DOCK7: variants seen among roughly 807,000 people sequenced by gnomAD.
The protein encoded by DOCK7 is dedicator of cytokinesis protein 7.
A neutral mutation model predicts 271.0 loss-of-function variants in DOCK7; 138 were observed. That is an observed-to-expected ratio of 0.51 (90% CI 0.44 to 0.59). The LOEUF (loss-of-function observed/expected upper bound fraction) is 0.59, where lower values mean the gene tolerates loss of function less well. Ranked by LOEUF, DOCK7 falls within the 20% of genes least tolerant of loss-of-function variation. DOCK7 has a pLI of 0.00. For synonymous variants in DOCK7, 823 were observed against 876.1 expected, an observed-to-expected ratio of 0.94 and a Z score of 1.07; for missense variants, 2,066 against 2,592.4, an observed-to-expected ratio of 0.80 and a Z score of 4.41.
chr1:62,497,659 T>C (rs1571299981), intron 37 of DOCK7, among the ~76,000 whole-genome samples: 1 of 152,228 alleles, frequency 6.6e-6, no homozygotes, highest in East Asian at 1.9e-4. Flanking sequence ...TTTGGATTAC[T>C]GTAATAACTT....
At chr1:62,655,038 G>C (rs756680588) in intron 2 of DOCK7, among the ~76,000 whole-genome samples, 8 of 152,208 alleles carry the variant, frequency 5.3e-5, no homozygotes, top group Non-Finnish European at 1.0e-4. Context: ...AGCACTGTGA[G>C]AGAATAAATT....
At position 62,492,859 on chromosome 1, in the gene DOCK7, A is replaced by G; in HGVS notation, c.5218-12T>C. On this transcript the variant is annotated splice_polypyrimidine_tract_variant and intron_variant, in intron 40 of 49. Transcript: ENST00000635253. Reference sequence around the variant, plus strand: ...TTAGATGAAATATTCTAGGGAAAAAATATATTGAAAAGGTTTTTGAAACAG... The same window carrying G: ...TTAGATGAAATATTCTAGGGAAAAAGTATATTGAAAAGGTTTTTGAAACAG... 1.9e-6 allele frequency: 3 copies of G among 1,599,878 alleles called. No individual in the cohort carries two copies. The highest frequency in any genetic ancestry group is 1.7e-6 in the Non-Finnish European group (2 of 1,174,970).
intron 7 of DOCK7, among the ~76,000 whole-genome samples, chr1:62,640,676 C>A (rs1449823266): frequency 6.6e-6 from 1 of 152,092 alleles, no homozygotes; most frequent in Admixed American, 6.5e-5. Context: ...CTATAAATAC[C>A]CTTTGTACAA....
chr1:62,513,656 A>G, intron 32 of DOCK7, 50 bp from the exon 33 acceptor site: 1 of 1,602,366 alleles, frequency 6.2e-7, no homozygotes, highest in Middle Eastern at 1.7e-4. Context: ...ATTTTCTTCT[A>G]TTTTTTCCAC....
At chr1:62,516,044 T>C (rs1315081081) in intron 31 of DOCK7, among the ~76,000 whole-genome samples, 1 of 152,152 alleles carries the variant, frequency 6.6e-6, no homozygotes, top group Non-Finnish European at 1.5e-5. Context: ...AAAAGCAGAT[T>C]CCTACCTTGT....
chr1:62,527,667 G>T (rs1229073830), intron 31 of DOCK7, among the ~76,000 whole-genome samples: 3 of 146,908 alleles, frequency 2.0e-5, no homozygotes, highest in Non-Finnish European at 4.5e-5. Context: ...TCATAGGTGG[G>T]AATTGAACAA....
intron 41 of DOCK7, among the ~76,000 whole-genome samples, chr1:62,490,302 C>A (rs1296979397): frequency 1.3e-5 from 2 of 151,702 alleles, no homozygotes; most frequent in Non-Finnish European, 2.9e-5. Flanking sequence ...AAACTCCTGG[C>A]CTCAAGCAAT....
chr1:62,519,576 TATTG>T, intron 31 of DOCK7, among the ~76,000 whole-genome samples: 1 of 152,168 alleles, frequency 6.6e-6, no homozygotes, highest in South Asian at 2.1e-4. Flanking sequence ...AAATGCTACC[TATTG>T]ATTATGATAA....
At chr1:62,466,764 T>C (rs1462594446) in intron 48 of DOCK7, among the ~76,000 whole-genome samples, 9 of 151,732 alleles carry the variant, frequency 5.9e-5, no homozygotes, top group Admixed American at 5.9e-4. Flanking sequence ...AGACCCCATA[T>C]ACAAAAATTA....
chr1:62,637,560 T>C (rs138963992), intron 7 of DOCK7, among the ~76,000 whole-genome samples: 1 of 152,258 alleles, frequency 6.6e-6, no homozygotes, highest in East Asian at 1.9e-4. Flanking sequence ...CAAAGAACCA[T>C]CTAGACAAAA....
chr1:62,593,986 G>A (rs1648851245), intron 14 of DOCK7, among the ~76,000 whole-genome samples: 1 of 151,990 alleles, frequency 6.6e-6, no homozygotes, highest in Non-Finnish European at 1.5e-5. Flanking sequence ...TGCTTTGCTT[G>A]GAATTTAAAC....
At chr1:62,674,455 G>A (rs370111005) in intron 1 of DOCK7, among the ~76,000 whole-genome samples, 2 of 152,196 alleles carry the variant, frequency 1.3e-5, no homozygotes, top group East Asian at 1.9e-4. Context: ...TATAGATATT[G>A]GTCCTAAAAT....
At chr1:62,478,000 C>T in intron 43 of DOCK7, 175 bp from the exon 44 acceptor site, 1 of 685,630 alleles carries the variant, frequency 1.5e-6, no homozygotes, top group Non-Finnish European at 2.2e-6. Flanking sequence ...TTTCCTTTTT[C>T]ATTATTTCTA....
chr1:62,539,501 TA>T, intron 27 of DOCK7, 43 bp downstream of exon 27: 10 of 1,463,884 alleles, frequency 6.8e-6, no homozygotes, highest in Non-Finnish European at 9.4e-6. Flanking sequence ...ACTAACATAG[TA>T]TTTAAATTAT....
In DOCK7 at chr1:62,663,122, G is replaced by A. The variant is rs1658864335; in HGVS notation, c.47C>T (p.Ala16Val). ...GGAGATCTGCTTCCTAACTTCGGCT[G>A]CCACCGTTCTACAATGAAGAAAGCA... is the stretch of plus-strand genomic sequence containing the variant. ...AFAQKISRTV[A>V]AEVRKQISGQ... Residue 16 changes from alanine (A) to valine (V), a missense_variant, in exon 2 of 50, where the codon GCA becomes GTA. By Grantham distance (64) the Ala-to-Val change is moderately conservative. Around this residue, in one of 2 missense-constraint regions of DOCK7, gnomAD observed 1,414 missense variants for 1,670.4 expected, o/e 0.85. Transcript: ENST00000635253. 1 of 1,610,614 alleles carries A rather than the reference G, an allele frequency of 6.2e-7. No homozygotes were observed. Among genetic ancestry groups the A allele is most frequent in the South Asian group, 1.1e-5 (1 of 90,738 alleles).
chr1:62,558,493 C>T (rs1407471915), intron 20 of DOCK7, among the ~76,000 whole-genome samples: 1 of 152,058 alleles, frequency 6.6e-6, no homozygotes, highest in Non-Finnish European at 1.5e-5. Flanking sequence ...GAATGAAGAA[C>T]ACCTTTCCTT....
At chr1:62,650,295 G>A (rs1326644219) in intron 4 of DOCK7, among the ~76,000 whole-genome samples, 2 of 152,002 alleles carry the variant, frequency 1.3e-5, no homozygotes, top group African/African-American at 4.8e-5. Context: ...GTTCACTGCT[G>A]TATCATCAGT....
chr1:62,579,471 C>CT, intron 16 of DOCK7, among the ~76,000 whole-genome samples: 1 of 152,028 alleles, frequency 6.6e-6, no homozygotes, highest in East Asian at 1.9e-4. Context: ...TGGCTCACAC[C>CT]TGTAATCCCA....
intron 37 of DOCK7, among the ~76,000 whole-genome samples, chr1:62,502,186 T>A (rs542963658): frequency 6.6e-6 from 1 of 152,274 alleles, no homozygotes; most frequent in African/African-American, 2.4e-5. Flanking sequence ...GAATAACTTT[T>A]GTAGAATGAA....
Sources: gnomAD v4.1 joint callset for allele counts (sites outside exome capture counted in the v4.1 genomes callset) on GRCh38, gnomAD v4.1.1 for gene constraint, gnomAD v4.1.1 regional missense constraint, MANE v1.5 for transcripts, NCBI Gene and HGNC (gene_info 2026-07-23, HGNC 2026-07-21) for gene names.